The following DSTYK variants were observed in gnomAD, a reference collection of about 807,000 sequenced individuals.
DSTYK encodes the protein RIP-homologous kinase.
Under a neutral mutation model 98.7 loss-of-function variants are expected in DSTYK, and 34 were observed. The observed-to-expected ratio is 0.34, with a 90% CI of 0.26 to 0.46. The LOEUF (loss-of-function observed/expected upper bound fraction) is 0.46, where lower values mean the gene tolerates loss of function less well. DSTYK is among the 20% of genes least tolerant of loss of function. The pLI, the probability that DSTYK is intolerant of heterozygous loss-of-function variation, is 1.00. For synonymous variants in DSTYK, 462 were observed against 457.3 expected (o/e 1.01, Z -0.13); for missense variants, 962 against 1,181.7 (o/e 0.81, Z 2.73).
In DSTYK at chr1:205,169,392, C is replaced by T; in HGVS notation, c.1095G>A (p.Val365=). 1 of 1,614,140 alleles carries T rather than the reference C, an allele frequency of 6.2e-7. No homozygotes were observed. Among genetic ancestry groups the T allele is most frequent in the Non-Finnish European group, 8.5e-7 (1 of 1,180,014 alleles). The stretch of plus-strand genomic sequence containing the variant: ...TAAAGATGTCAAGGCAGTGGCAGTG[C>T]ACCAGGTTCAGGGCCTTGGCTGCAT... ...LVDAAKALNL[V]HCHCLDIFIN... Residue 365 remains valine (V), a synonymous_variant, in exon 3 of 13, where the codon GTG becomes GTA. Coordinates refer to ENST00000367162, the MANE Select transcript of DSTYK (RefSeq NM_015375.3). The surrounding 1 kb of genome is among the most constrained non-coding windows in gnomAD (Gnocchi z 4.0).
intron 10 of DSTYK, among the ~76,000 whole-genome samples, chr1:205,154,413 C>T (rs980869860): frequency 1.3e-5 from 2 of 152,098 alleles, no homozygotes; most frequent in African/African-American, 4.8e-5. Context: ...GGGTTTTTCC[C>T]CCCCTTTTGA....
intron 2 of DSTYK, among the ~76,000 whole-genome samples, chr1:205,179,418 C>T (rs1054561801): frequency 7.3e-5 from 11 of 151,354 alleles, no homozygotes; most frequent in Admixed American, 5.9e-4. Flanking sequence ...CAGGAGATCA[C>T]GAGCATCCTG....
intron 1 of DSTYK, among the ~76,000 whole-genome samples, chr1:205,191,829 G>A (rs945448070): frequency 6.6e-6 from 1 of 152,180 alleles, no homozygotes; most frequent in Admixed American, 6.5e-5. Context: ...CTCACTGACA[G>A]TTAAAGGACT....
chr1:205,162,344 C>G, intron 5 of DSTYK, 132 bp from the exon 6 acceptor site: 1 of 1,087,846 alleles, frequency 9.2e-7, no homozygotes, highest in Non-Finnish European at 1.3e-6. Flanking sequence ...ATACGAAGTC[C>G]AAAGTTCCTT....
At chr1:205,167,843 G>A (rs1657933094) in intron 3 of DSTYK, among the ~76,000 whole-genome samples, 1 of 152,260 alleles carries the variant, frequency 6.6e-6, no homozygotes, top group Non-Finnish European at 1.5e-5. Context: ...GAGGCCAGGT[G>A]TGGTGGCTCA....
intron 1 of DSTYK, among the ~76,000 whole-genome samples, chr1:205,210,914 C>G (rs1389314254): frequency 6.6e-6 from 1 of 152,258 alleles, no homozygotes; most frequent in Non-Finnish European, 1.5e-5. Context: ...CGCGCCCGCC[C>G]CCAACTCAGA....
intron 1 of DSTYK, among the ~76,000 whole-genome samples, chr1:205,198,166 C>G (rs1658921964): frequency 6.6e-6 from 1 of 151,890 alleles, no homozygotes; most frequent in Non-Finnish European, 1.5e-5. Context: ...GTACTCCAGC[C>G]TGGGCAACAA....
chr1:205,183,236 T>C (rs1658470761), intron 2 of DSTYK, among the ~76,000 whole-genome samples: 1 of 152,162 alleles, frequency 6.6e-6, no homozygotes, highest in African/African-American at 2.4e-5. Context: ...AGGGAGTACT[T>C]TTGTATACAA....
intron 1 of DSTYK, among the ~76,000 whole-genome samples, chr1:205,194,319 C>G (rs1281437323): frequency 1.3e-5 from 2 of 152,150 alleles, no homozygotes; most frequent in Non-Finnish European, 2.9e-5. Flanking sequence ...ATAATACATA[C>G]TCGTGAAAGG....
intron 2 of DSTYK, among the ~76,000 whole-genome samples, chr1:205,181,656 TTGTG>T (rs35775611): frequency 0.048 from 6,821 of 142,426 alleles, 254 homozygotes; most frequent in African/African-American, 0.096. Context: ...ATGTTGGGGT[TTGTG>T]TGTGTGTGTG....
chr1:205,157,409 C>T (rs1657594433), intron 9 of DSTYK, 23 bp from the exon 10 acceptor site: 8 of 1,599,684 alleles, frequency 5.0e-6, no homozygotes, highest in Non-Finnish European at 6.9e-6. Flanking sequence ...AAAGAGCTTA[C>T]TTGTCATGAT....
intron 9 of DSTYK, 24 bp from the exon 10 acceptor site, chr1:205,157,410 T>C (rs1558601635): frequency 6.3e-7 from 1 of 1,598,302 alleles, no homozygotes; most frequent in Non-Finnish European, 8.6e-7. Context: ...AAGAGCTTAC[T>C]TGTCATGATA....
At chr1:205,197,295 A>G (rs1386204475) in intron 1 of DSTYK, among the ~76,000 whole-genome samples, 2 of 152,056 alleles carry the variant, frequency 1.3e-5, no homozygotes. Flanking sequence ...TGCATACTGG[A>G]GTGTTTAGAG....
Position 205,147,425 on chromosome 1 carries a change from G to T in DSTYK, c.*133C>A. On this transcript the variant is annotated 3_prime_UTR_variant, in exon 13 of 13. Coordinates refer to ENST00000367162, the MANE Select transcript of DSTYK (RefSeq NM_015375.3). ...CCAGGAGTCATCCCTGCCTGGGAAG[G>T]TTCCAAGTTTCCCAGCAAGCACCAG... 1 of 985,952 alleles carries T rather than the reference G, an allele frequency of 1.0e-6. No individual in the cohort carries two copies. The highest frequency in any genetic ancestry group is 1.5e-6 in the Non-Finnish European group (1 of 669,744). 61.1% of individuals were successfully genotyped at this position (985,952 alleles called of 1,614,324 possible). A position where few individuals can be genotyped will look rare whatever the true frequency, so the allele number is the denominator to read the frequency against.
chr1:205,189,833 T>C lies in DSTYK; in HGVS notation c.266-2027A>G, dbSNP rs113016213. 8.6e-3 allele frequency among the ~76,000 whole-genome samples: 1,310 copies of C among 152,334 alleles called. 22 individuals carry two copies. The highest frequency in any genetic ancestry group is 0.03 in the African/African-American group (1,254 of 41,566). Reference sequence around the variant, plus strand: ...CTGAAACAAGCAAATCTACTCTCCTTGGAAAGAGATGAGTGCCTTTCAAAA... The same window carrying C: ...CTGAAACAAGCAAATCTACTCTCCTCGGAAAGAGATGAGTGCCTTTCAAAA... On this transcript the variant is annotated intron_variant, in intron 1 of 12. Coordinates refer to ENST00000367162, the MANE Select transcript of DSTYK (RefSeq NM_015375.3).
At chr1:205,182,016 T>C (rs984066070) in intron 2 of DSTYK, among the ~76,000 whole-genome samples, 6 of 152,164 alleles carry the variant, frequency 3.9e-5, no homozygotes, top group Admixed American at 3.9e-4. Context: ...ATAATGCTTA[T>C]GAGTTGTAAA....
Position 205,162,085 on chromosome 1 carries a change from C to T in DSTYK, c.1769G>A (p.Arg590Gln), listed in dbSNP as rs200985639. 19 of 1,614,068 alleles carry T rather than the reference C, an allele frequency of 1.2e-5. No homozygotes were observed. The highest frequency in any genetic ancestry group is 8.3e-5 in the Admixed American group (5 of 60,012). ...KLAKSICSQF[R>Q]TRLNSSHEAF... ...CTCGTGGGAACTATTGAGCCGAGTCCGGAATTGGCTGCAAATGCTCTTAGC... is the reference window on the plus strand; with the variant it reads ...CTCGTGGGAACTATTGAGCCGAGTCTGGAATTGGCTGCAAATGCTCTTAGC... The change falls in exon 6 of 13, where the codon CGG becomes CAG. Residue 590 changes from arginine to glutamine, a missense_variant. This residue lies in a region of DSTYK where 660 missense variants were observed against 855.0 expected (regional missense o/e 0.77). Coordinates refer to ENST00000367162, the MANE Select transcript of DSTYK (RefSeq NM_015375.3).
rs778861746 is a variant in DSTYK at position 205,169,853 on chromosome 1, T to C, written c.655-21A>G. ...ACTTCCTGGAAGGGGAAGGGGGTCA[T>C]ATATCAGCGCCTCAGGGTCAGAACC... On this transcript the variant is annotated intron_variant, in intron 2 of 12. Transcript: ENST00000367162. The surrounding 1 kb of genome is among the most constrained non-coding windows in gnomAD (Gnocchi z 4.0). 1.3e-6 allele frequency: 2 copies of C among 1,592,168 alleles called. No individual in the cohort carries two copies. The highest frequency in any genetic ancestry group is 1.7e-6 in the Non-Finnish European group (2 of 1,170,810).
At chr1:205,172,103 C>T (rs1333887485) in intron 2 of DSTYK, among the ~76,000 whole-genome samples, 4 of 151,688 alleles carry the variant, frequency 2.6e-5, no homozygotes, top group South Asian at 2.1e-4. Flanking sequence ...ATTACAGGCA[C>T]GCACCACCAC....
Sources: gnomAD v4.1 joint callset for allele counts (sites outside exome capture counted in the v4.1 genomes callset) on GRCh38, gnomAD v4.1.1 for gene constraint, gnomAD v4.1.1 regional missense constraint, Gnocchi (gnomAD v3.1) non-coding constraint, MANE v1.5 for transcripts, NCBI Gene and HGNC (gene_info 2026-07-23, HGNC 2026-07-21) for gene names.